PCDHGA9: variants seen among roughly 807,000 people sequenced by gnomAD.
PCDHGA9 encodes the protein protocadherin gamma-A9.
Under a neutral mutation model 62.5 loss-of-function variants are expected in PCDHGA9, and 37 were observed. The observed-to-expected ratio is 0.59, with a 90% CI of 0.46 to 0.78. PCDHGA9 has a LOEUF of 0.78. PCDHGA9 is among the 30% of genes least tolerant of loss of function. The probability of loss-of-function intolerance (pLI) is 0.00; values close to 1 mark genes in which losing one functional copy is unlikely to be tolerated. For synonymous variants in PCDHGA9, 459 were observed against 484.6 expected, an observed-to-expected ratio of 0.95 and a Z score of 0.69; for missense variants, 1,138 against 1,166.2, an observed-to-expected ratio of 0.98 and a Z score of 0.35.
In PCDHGA9 at chr5:141,403,144, C is replaced by A; in HGVS notation, c.192C>A (p.Val64=). The A allele has an allele frequency of 6.2e-6, 10 of 1,614,042 alleles. No individual in the cohort carries two copies. Among genetic ancestry groups the A allele is most frequent in the Non-Finnish European group, 8.5e-6 (10 of 1,179,904 alleles). Residue 64 remains valine (V), a synonymous_variant, in exon 1 of 4, where the codon GTC becomes GTA. Coordinates refer to ENST00000573521, the MANE Select transcript of PCDHGA9 (RefSeq NM_018921.3). ...CCCGGGAGCTGGCGGAGCGCCGAGT[C>A]CGCATCGTCTCTAGAGGTAGGACGC... The part of the protein sequence containing the change: ...LEPRELAERR[V]RIVSRGRTQL...
chr5:141,507,113 C>G (rs1401559943), intron 3 of PCDHGA9: 1 of 152,220 alleles, frequency 6.6e-6, no homozygotes, highest in Non-Finnish European at 1.5e-5. Context: ...GGGACCATGG[C>G]TGCCTTTGGA....
At chr5:141,506,306 G>A (rs539365378) in intron 3 of PCDHGA9, among the ~76,000 whole-genome samples, 4 of 152,040 alleles carry the variant, frequency 2.6e-5, no homozygotes, top group Non-Finnish European at 5.9e-5. Flanking sequence ...AAAATTAGCT[G>A]GGCATGGTGG....
intron 1 of PCDHGA9, chr5:141,427,988 T>C (rs555561265): frequency 6.3e-7 from 1 of 1,598,504 alleles, no homozygotes; most frequent in South Asian, 1.1e-5. Context: ...TGGGGCCCGA[T>C]GGCTCCGCAC....
In PCDHGA9 at chr5:141,476,087, C is replaced by T. The variant is rs758610836; in HGVS notation, c.2425-18720C>T. The stretch of plus-strand genomic sequence containing the variant: ...AGCGAAATCTCAGGGACGATCTGGA[C>T]CCCGCTGAGAGGAACTGCTTTTGAG... On this transcript the variant is annotated intron_variant, in intron 1 of 3. Coordinates refer to ENST00000573521, the MANE Select transcript of PCDHGA9 (RefSeq NM_018921.3). This position sits in a 1 kb window ranked among gnomAD's most constrained non-coding sequence, Gnocchi z 7.6. 9 of 1,553,656 alleles carry T rather than the reference C, an allele frequency of 5.8e-6. No individual in the cohort carries two copies. The South Asian group carries it at 1.1e-4, about 19-fold the overall frequency.
chr5:141,413,695 T>C lies in PCDHGA9; in HGVS notation c.2424+8319T>C, dbSNP rs573363878. The C allele has an allele frequency of 4.8e-5, 77 of 1,613,796 alleles. 1 individual carries two copies. The highest frequency in any genetic ancestry group is 3.0e-4 in the South Asian group (27 of 91,078). ...TGTGGGCGTGAACTCCCTGCAGAGC[T>C]ATCAGCTCAGCCCCAATAAGCACTT... On this transcript the variant is annotated intron_variant, in intron 1 of 3. Transcript: ENST00000573521.
At chr5:141,443,383 G>A (rs1302172660) in intron 1 of PCDHGA9, among the ~76,000 whole-genome samples, 1 of 152,130 alleles carries the variant, frequency 6.6e-6, no homozygotes, top group Non-Finnish European at 1.5e-5. Flanking sequence ...TACTTGGGAG[G>A]CTGAGGTGTG....
In PCDHGA9 at chr5:141,489,365, G is replaced by A. The variant is rs774363104; in HGVS notation, c.2425-5442G>A. ...TCAGTGGTGGAGGAGTCTGAGCCGG[G>A]GACGCTGGTGGGGAATGTTGCTCAG... On this transcript the variant is annotated intron_variant, in intron 1 of 3. Transcript: ENST00000573521. The surrounding 1 kb of genome is among the most constrained non-coding windows in gnomAD (Gnocchi z 4.5). The A allele has an allele frequency of 6.2e-7, 1 of 1,613,512 alleles. No individual in the cohort carries two copies.
In PCDHGA9 at chr5:141,432,854, G is replaced by A. The variant is rs769962088; in HGVS notation, c.2424+27478G>A. 1 of 1,614,192 alleles carries A rather than the reference G, an allele frequency of 6.2e-7. No homozygotes were observed. On this transcript the variant is annotated intron_variant, in intron 1 of 3. Transcript: ENST00000573521. The surrounding 1 kb of genome is among the most constrained non-coding windows in gnomAD (Gnocchi z 6.0). ...TCTGTACCTGGTGGTAGCGGTGGCC[G>A]CGGTCTCCTGCGTCTTCCTGGCCTT...
chr5:141,427,871 G>T, intron 1 of PCDHGA9: 1 of 1,559,532 alleles, frequency 6.4e-7, no homozygotes, highest in Non-Finnish European at 8.8e-7. Flanking sequence ...TCGAGCTCAC[G>T]ATGCAGGCCC....
At chr5:141,478,256 A>G in intron 1 of PCDHGA9, 6 of 1,614,126 alleles carry the variant, frequency 3.7e-6, no homozygotes, top group Non-Finnish European at 5.1e-6. Flanking sequence ...CGGAGTAATC[A>G]TATTCAAAGT....
rs777487681 is a variant in PCDHGA9, at chr5:141,432,809, T to C, written c.2424+27433T>C. 2.5e-6 allele frequency: 4 copies of C among 1,613,280 alleles called. No individual in the cohort carries two copies. In the African/African-American group the frequency reaches 5.4e-5, roughly 22 times the overall value. The stretch of plus-strand genomic sequence containing the variant: ...CGGCAGCCTCGAGTCTCCAGCTAAC[T>C]CTGAAACCTCAGACCTCACTCTGTA... On this transcript the variant is annotated intron_variant, in intron 1 of 3. Coordinates refer to ENST00000573521, the MANE Select transcript of PCDHGA9 (RefSeq NM_018921.3). The surrounding 1 kb of genome is among the most constrained non-coding windows in gnomAD (Gnocchi z 6.0).
At chr5:141,444,918 C>T (rs1197922745) in intron 1 of PCDHGA9, among the ~76,000 whole-genome samples, 1 of 152,106 alleles carries the variant, frequency 6.6e-6, no homozygotes, top group Non-Finnish European at 1.5e-5. Flanking sequence ...ATACCTTTAT[C>T]AGGGAAAGAG....
In PCDHGA9 at chr5:141,432,278, A is replaced by G. The variant is rs923930127; in HGVS notation, c.2424+26902A>G. On this transcript the variant is annotated intron_variant, in intron 1 of 3. Transcript: ENST00000573521. The surrounding 1 kb of genome is among the most constrained non-coding windows in gnomAD (Gnocchi z 6.0). ...GGCAAGCCTATCGTCCTACGTGTCC[A>G]TCAACTCCGACACTGGGGTACTGTA... 3.7e-5 allele frequency: 59 copies of G among 1,614,078 alleles called. No individual in the cohort carries two copies. Among genetic ancestry groups the G allele is most frequent in the Non-Finnish European group, 4.7e-5 (55 of 1,180,036 alleles).
At chr5:141,413,081 C>CAG in intron 1 of PCDHGA9, 1 of 1,339,426 alleles carries the variant, frequency 7.5e-7, no homozygotes, top group South Asian at 1.5e-5. Flanking sequence ...GCCCAGGCTA[C>CAG]AGAGACACCC....
intron 1 of PCDHGA9, among the ~76,000 whole-genome samples, chr5:141,466,594 C>G (rs557960608): frequency 6.6e-6 from 1 of 152,268 alleles, no homozygotes; most frequent in Admixed American, 6.5e-5. Flanking sequence ...TTAAAACAAG[C>G]TAGCTACTTG....
intron 1 of PCDHGA9, chr5:141,423,007 G>C (rs772337723): frequency 1.9e-6 from 3 of 1,614,242 alleles, no homozygotes; most frequent in Non-Finnish European, 2.5e-6. Flanking sequence ...CAAGGTGGTT[G>C]CGGTGGACAA....
At chr5:141,409,972 G>A in intron 1 of PCDHGA9, 1 of 1,613,374 alleles carries the variant, frequency 6.2e-7, no homozygotes, top group South Asian at 1.1e-5. Context: ...TAGTGACTAA[G>A]GTGGTAGCGG....
At chr5:141,417,117 C>A (rs1199474234) in intron 1 of PCDHGA9, 3 of 151,748 alleles carry the variant, frequency 2.0e-5, no homozygotes, top group Non-Finnish European at 4.4e-5. Context: ...TACAGGACAC[C>A]CTGGATGATG....
Position 141,403,288 on chromosome 5 carries a change from CAG to C in PCDHGA9, c.339_340del (p.Arg113SerfsTer12). ...TGAACTTTAAAGTCCTGGTTGAAGA[CAG>C]AGTGAAACTGTACGGAATAGAAATA... ...LVNFKVLVED[R>X]VKLYGIEIEV... On this transcript the variant is annotated frameshift_variant, in exon 1 of 4. Transcript: ENST00000573521. LOFTEE classifies it high-confidence loss of function. The C allele has an allele frequency of 6.2e-7, 1 of 1,613,878 alleles. No homozygotes were observed. Among genetic ancestry groups the C allele is most frequent in the Admixed American group, 1.7e-5 (1 of 60,032 alleles).
Sources: gnomAD v4.1 joint callset for allele counts (sites outside exome capture counted in the v4.1 genomes callset) on GRCh38, gnomAD v4.1.1 for gene constraint, Gnocchi (gnomAD v3.1) non-coding constraint, MANE v1.5 for transcripts, NCBI Gene and HGNC (gene_info 2026-07-23, HGNC 2026-07-21) for gene names.